The following ZNRF3 variants were observed in gnomAD, a reference collection of about 807,000 sequenced individuals.
The protein encoded by ZNRF3 is E3 ubiquitin-protein ligase ZNRF3.
ZNRF3 carries 23 observed loss-of-function variants against 72.5 expected under a neutral mutation model. That is an observed-to-expected ratio of 0.32 (90% CI 0.23 to 0.45). The LOEUF is 0.45. ZNRF3 is among the 20% of genes least tolerant of loss of function. ZNRF3 has a pLI of 1.00. For synonymous variants in ZNRF3, 610 were observed against 545.3 expected (o/e 1.12, Z -1.65); for missense variants, 1,169 against 1,272.1 (o/e 0.92, Z 1.23).
intron 1 of ZNRF3, among the ~76,000 whole-genome samples, chr22:28,947,633 C>T (rs1053535143): frequency 2.1e-4 from 32 of 152,152 alleles, no homozygotes; most frequent in Admixed American, 2.0e-3. Context: ...AGCATCTTTT[C>T]ATGTACTTAT....
rs1443211865 is a variant in ZNRF3, at chr22:29,050,561, G to A, written c.2380G>A (p.Gly794Ser). Residue 794 changes from glycine to serine, a missense_variant, in exon 8 of 9, where the codon GGC becomes AGC. By Grantham distance (56) the Gly-to-Ser change is moderately conservative. This residue lies in a region of ZNRF3 where 783 missense variants were observed against 731.4 expected (regional missense o/e 1.07). Coordinates refer to ENST00000544604, the MANE Select transcript of ZNRF3 (RefSeq NM_001206998.2). ...GCAGGTGGCCCGCGGGGGCGGAGGGGGCAGCGGCTGCTACACTGAGGACTA... is the reference window on the plus strand; with the variant it reads ...GCAGGTGGCCCGCGGGGGCGGAGGGAGCAGCGGCTGCTACACTGAGGACTA... The part of the protein sequence containing the change: ...EKQVARGGGG[G>S]SGCYTEDYSV... 6.2e-7 allele frequency: 1 copy of A among 1,609,068 alleles called. No homozygotes were observed. Among genetic ancestry groups the A allele is most frequent in the Admixed American group, 1.7e-5 (1 of 59,522 alleles).
At chr22:28,961,016 T>C (rs973307068) in intron 1 of ZNRF3, among the ~76,000 whole-genome samples, 3 of 152,192 alleles carry the variant, frequency 2.0e-5, no homozygotes, top group Non-Finnish European at 4.4e-5. Context: ...TTCCTTTTGC[T>C]CTAACAAAAT....
chr22:29,037,400 C>G (rs2036886162), intron 2 of ZNRF3, among the ~76,000 whole-genome samples: 1 of 152,194 alleles, frequency 6.6e-6, no homozygotes, highest in Non-Finnish European at 1.5e-5. Context: ...ACATTCTAGA[C>G]TCAATCTTAC....
intron 1 of ZNRF3, among the ~76,000 whole-genome samples, chr22:28,957,571 C>T (rs2035282271): frequency 6.6e-6 from 1 of 152,076 alleles, no homozygotes; most frequent in African/African-American, 2.4e-5. Context: ...TCCCAAGTAG[C>T]TGGGACTACA....
chr22:28,919,519 G>A (rs1000815420), intron 1 of ZNRF3, among the ~76,000 whole-genome samples: 2 of 151,956 alleles, frequency 1.3e-5, no homozygotes, highest in Non-Finnish European at 2.9e-5. Flanking sequence ...ATACAGACCC[G>A]GTTAGACTTT....
At chr22:28,946,521 G>A (rs1200912451) in intron 1 of ZNRF3, among the ~76,000 whole-genome samples, 1 of 152,192 alleles carries the variant, frequency 6.6e-6, no homozygotes. Flanking sequence ...ATTGGTGTTT[G>A]GACTGGTTGT....
intron 1 of ZNRF3, among the ~76,000 whole-genome samples, chr22:28,941,635 A>G (rs1417342559): frequency 1.3e-5 from 2 of 152,108 alleles, no homozygotes; most frequent in Non-Finnish European, 2.9e-5. Context: ...AGACTGCTCA[A>G]CTGGGCACCA....
At chr22:28,933,861 G>A (rs2123780626) in intron 1 of ZNRF3, among the ~76,000 whole-genome samples, 1 of 150,906 alleles carries the variant, frequency 6.6e-6, no homozygotes, top group East Asian at 2.0e-4. Flanking sequence ...GTATCATGGT[G>A]AGTGGTACCT....
At chr22:29,053,467 T>G in intron 8 of ZNRF3, 112 bp from the exon 9 acceptor site, 1 of 975,092 alleles carries the variant, frequency 1.0e-6, no homozygotes, top group Non-Finnish European at 1.6e-6. Context: ...CTTCAGCCCT[T>G]TAGCATACAC....
Position 28,883,997 on chromosome 22 carries a change from C to T in ZNRF3, c.231C>T (p.Tyr77=). ...ESSPSGDYTT[Y]TTGLTGRFSR... ...GCCCAAGCGGCGATTACACCACCTA[C>T]ACCACCGGCCTCACGGGCCGCTTCT... is the stretch of plus-strand genomic sequence containing the variant. The change falls in exon 1 of 9, where the codon TAC becomes TAT. Residue 77 remains tyrosine (Y), a synonymous_variant. Coordinates refer to ENST00000544604, the MANE Select transcript of ZNRF3 (RefSeq NM_001206998.2). This position sits in a 1 kb window ranked among gnomAD's most constrained non-coding sequence, Gnocchi z 5.5. 2.3e-6 allele frequency: 3 copies of T among 1,331,170 alleles called. No individual in the cohort carries two copies. The highest frequency in any genetic ancestry group is 2.4e-4 in the Middle Eastern group (1 of 4,100). 82.5% of individuals were successfully genotyped at this position (1,331,170 alleles called of 1,614,324 possible).
intron 1 of ZNRF3, among the ~76,000 whole-genome samples, chr22:28,946,814 C>CTA (rs1241431763): frequency 6.6e-6 from 1 of 152,158 alleles, no homozygotes; most frequent in African/African-American, 2.4e-5. Flanking sequence ...GTTGAAAGAT[C>CTA]TATGGTCTCT....
intron 1 of ZNRF3, among the ~76,000 whole-genome samples, chr22:28,918,722 C>T (rs2034458128): frequency 6.6e-6 from 1 of 152,108 alleles, no homozygotes; most frequent in African/African-American, 2.4e-5. Context: ...GGGGTATGTG[C>T]GAAGCTACAA....
intron 1 of ZNRF3, among the ~76,000 whole-genome samples, chr22:28,936,069 T>A (rs2034813629): frequency 1.3e-5 from 2 of 152,150 alleles, no homozygotes; most frequent in Non-Finnish European, 2.9e-5. Context: ...TGGCACAGGT[T>A]TCTCTGAGTC....
intron 1 of ZNRF3, among the ~76,000 whole-genome samples, chr22:28,965,705 A>T (rs920494929): frequency 6.6e-6 from 1 of 152,234 alleles, no homozygotes; most frequent in Admixed American, 6.5e-5. Flanking sequence ...TCTGAAAGTG[A>T]TGAGTGATCT....
At chr22:29,020,756 T>C (rs2036518945) in intron 2 of ZNRF3, among the ~76,000 whole-genome samples, 1 of 125,680 alleles carries the variant, frequency 8.0e-6, no homozygotes, top group Non-Finnish European at 1.7e-5. Flanking sequence ...TGAGAGGGGC[T>C]TTGTTTTTGT....
chr22:28,997,416 G>A (rs2036062682), intron 2 of ZNRF3, among the ~76,000 whole-genome samples: 1 of 151,828 alleles, frequency 6.6e-6, no homozygotes, highest in African/African-American at 2.4e-5. Context: ...GGGGGTGGGA[G>A]TGGGGGTGCT....
At chr22:29,014,105 T>G (rs1005815918) in intron 2 of ZNRF3, among the ~76,000 whole-genome samples, 4 of 152,220 alleles carry the variant, frequency 2.6e-5, no homozygotes, top group African/African-American at 9.6e-5. Flanking sequence ...TGGTCGTTTC[T>G]GTGTCATTGC....
At chr22:28,934,962 A>G (rs986852573) in intron 1 of ZNRF3, among the ~76,000 whole-genome samples, 3 of 151,990 alleles carry the variant, frequency 2.0e-5, no homozygotes, top group Non-Finnish European at 4.4e-5. Context: ...TTTTGCATAA[A>G]TGGGATTATC....
chr22:28,927,692 T>C (rs1039718415), intron 1 of ZNRF3, among the ~76,000 whole-genome samples: 1 of 152,228 alleles, frequency 6.6e-6, no homozygotes, highest in African/African-American at 2.4e-5. Flanking sequence ...AACCTGATTC[T>C]TAGAACAGAC....
Sources: gnomAD v4.1 joint callset for allele counts (sites outside exome capture counted in the v4.1 genomes callset) on GRCh38, gnomAD v4.1.1 for gene constraint, gnomAD v4.1.1 regional missense constraint, Gnocchi (gnomAD v3.1) non-coding constraint, MANE v1.5 for transcripts, NCBI Gene and HGNC (gene_info 2026-07-23, HGNC 2026-07-21) for gene names.